Variants in RAP1GAP2 observed in about 807,000 individuals in gnomAD.
RAP1GAP2 encodes rap1 GTPase-activating protein 2.
RAP1GAP2 carries 27 observed loss-of-function variants against 95.0 expected under a neutral mutation model. The observed-to-expected ratio is 0.28, with a 90% CI of 0.21 to 0.39. RAP1GAP2 has a LOEUF of 0.39. RAP1GAP2 is among the 10% of genes least tolerant of loss of function. The probability of loss-of-function intolerance (pLI) is 1.00; values close to 1 mark genes in which losing one functional copy is unlikely to be tolerated. For synonymous variants in RAP1GAP2, 373 were observed against 380.9 expected (o/e 0.98, Z 0.24); for missense variants, 771 against 970.0 (o/e 0.79, Z 2.72).
chr17:2,911,391 T>A (rs181836467), intron 3 of RAP1GAP2, among the ~76,000 whole-genome samples: 1 of 152,006 alleles, frequency 6.6e-6, no homozygotes, highest in African/African-American at 2.4e-5. Context: ...GAGAGGGACT[T>A]GAGGCTGCGT....
At chr17:2,945,996 G>A (rs1357551869) in intron 3 of RAP1GAP2, among the ~76,000 whole-genome samples, 3 of 152,024 alleles carry the variant, frequency 2.0e-5, no homozygotes, top group Non-Finnish European at 2.9e-5. Flanking sequence ...TCACCATGTC[G>A]GCCAGGCTGG....
chr17:2,839,947 CG>C (rs2151567421), intron 2 of RAP1GAP2, among the ~76,000 whole-genome samples: 2 of 151,216 alleles, frequency 1.3e-5, no homozygotes, highest in East Asian at 3.9e-4. Context: ...TACAGGCATG[CG>C]CCACCACGCC....
chr17:3,031,108 G>A (rs1206235406), intron 23 of RAP1GAP2, 110 bp downstream of exon 23: 2 of 1,228,398 alleles, frequency 1.6e-6, no homozygotes, highest in South Asian at 2.6e-5. Context: ...CTCCCCGAAG[G>A]AGGCAGGGGA....
At position 2,919,014 on chromosome 17, in the gene RAP1GAP2, G is replaced by T. The variant is rs1021128194; in HGVS notation, c.165+13646G>T. On this transcript the variant is annotated intron_variant, in intron 3 of 24. Coordinates refer to ENST00000254695, the MANE Select transcript of RAP1GAP2 (RefSeq NM_015085.5). ...GACCATCTAGGGGGAAGTACACCAG[G>T]TTTTCGGTGAATATAGTTTGTCAGG... Among the ~76,000 whole-genome samples the T allele has an allele frequency of 3.9e-5, 6 of 152,150 alleles. No individual in the cohort carries two copies. The South Asian group carries it at 1.2e-3, about 32-fold the overall frequency.
intron 2 of RAP1GAP2, among the ~76,000 whole-genome samples, chr17:2,821,349 T>A (rs1447203153): frequency 6.6e-6 from 1 of 151,032 alleles, no homozygotes. Flanking sequence ...CAAAATGTTA[T>A]CATTCTGATG....
chr17:2,941,728 G>C (rs1219885054), intron 3 of RAP1GAP2, among the ~76,000 whole-genome samples: 1 of 151,656 alleles, frequency 6.6e-6, no homozygotes, highest in South Asian at 2.1e-4. Context: ...GAGTGCAGTG[G>C]TGTGATCTCG....
At chr17:2,818,745 G>A (rs1043257984) in intron 2 of RAP1GAP2, among the ~76,000 whole-genome samples, 15 of 152,196 alleles carry the variant, frequency 9.9e-5, no homozygotes, top group African/African-American at 3.6e-4. Context: ...GTGAGGTGGC[G>A]TTCTGGCGCT....
rs1203777688 is a variant in RAP1GAP2, at chr17:3,002,636, A to G, written c.1201-2733A>G. Among the ~76,000 whole-genome samples the G allele has an allele frequency of 2.0e-5, 3 of 152,208 alleles. No homozygotes were observed. The East Asian group carries it at 5.8e-4, about 29-fold the overall frequency. On this transcript the variant is annotated intron_variant, in intron 14 of 24. Coordinates refer to ENST00000254695, the MANE Select transcript of RAP1GAP2 (RefSeq NM_015085.5). ...CCTCTGGGACTGAGTAAGCCCCAGGAGGCCTCCACTGGGGAGGGTGAGCTG... is the reference window on the plus strand; with the variant it reads ...CCTCTGGGACTGAGTAAGCCCCAGGGGGCCTCCACTGGGGAGGGTGAGCTG...
Position 2,955,146 on chromosome 17 carries a change from G to A in RAP1GAP2, c.166-2613G>A, listed in dbSNP as rs572606507. Among the ~76,000 whole-genome samples the A allele has an allele frequency of 4.6e-5, 7 of 152,238 alleles. No individual in the cohort carries two copies. The South Asian group carries it at 1.5e-3, about 32-fold the overall frequency. On this transcript the variant is annotated intron_variant, in intron 3 of 24. Transcript: ENST00000254695. ...CAATTCTTTTGTGTATATTCCTGGG[G>A]GTCGAATTGCTGAGTTGTGTGGTCA... is the stretch of plus-strand genomic sequence containing the variant.
chr17:2,836,716 G>A lies in RAP1GAP2; in HGVS notation c.80+36166G>A, dbSNP rs1050043000. Among the ~76,000 whole-genome samples, 12 of 152,206 alleles carry A rather than the reference G, an allele frequency of 7.9e-5. 2 individuals are homozygous for A. In the South Asian group the frequency reaches 2.3e-3, roughly 29 times the overall value. ...TCCAGGTGGGTGAGACAGCATCATC[G>A]GACCATCTATTTGTACCTATCTCTT... On this transcript the variant is annotated intron_variant, in intron 2 of 24. Coordinates refer to ENST00000254695, the MANE Select transcript of RAP1GAP2 (RefSeq NM_015085.5).
chr17:2,995,451 C>T lies in RAP1GAP2; in HGVS notation c.1029C>T (p.Asp343=), dbSNP rs189792922. The change falls in exon 13 of 25, where the codon GAC becomes GAT. Residue 343 remains aspartate (D), a synonymous_variant. Transcript: ENST00000254695. ...TTTCCACAAAGCTGCCATTTACCGA[C>T]GGAGACGCCCAGCAGGTAACCTGGT... is the stretch of plus-strand genomic sequence containing the variant. ...FHVSTKLPFT[D]GDAQQLQRKR... The T allele has an allele frequency of 3.0e-4, 478 of 1,613,852 alleles. 7 individuals are homozygous for T. Among genetic ancestry groups the T allele is most frequent in the Middle Eastern group, 1.8e-3 (11 of 6,056 alleles).
At chr17:2,885,369 C>T (rs961717610) in intron 2 of RAP1GAP2, among the ~76,000 whole-genome samples, 1 of 152,214 alleles carries the variant, frequency 6.6e-6, no homozygotes, top group Admixed American at 6.5e-5. Flanking sequence ...CTGGAAGGTT[C>T]TCAGCATGCT....
At chr17:2,981,115 G>T (rs539474699) in intron 9 of RAP1GAP2, 80 bp from the exon 10 acceptor site, 25 of 1,347,800 alleles carry the variant, frequency 1.9e-5, no homozygotes, top group African/African-American at 7.2e-5. Context: ...CTCCCATGCC[G>T]CATTGTCCAG....
intron 19 of RAP1GAP2, among the ~76,000 whole-genome samples, chr17:3,021,795 T>C (rs1330946179): frequency 6.6e-6 from 1 of 152,226 alleles, no homozygotes; most frequent in African/African-American, 2.4e-5. Flanking sequence ...ATTCTACCCA[T>C]GTTGCTGCAA....
At chr17:2,891,503 C>T (rs558729534) in intron 2 of RAP1GAP2, among the ~76,000 whole-genome samples, 2 of 151,370 alleles carry the variant, frequency 1.3e-5, no homozygotes, top group Admixed American at 1.3e-4. Context: ...TCCCTACCCT[C>T]CCCCATCTCC....
At chr17:2,889,878 TATATA>T (rs1421426199) in intron 2 of RAP1GAP2, among the ~76,000 whole-genome samples, 4 of 80,266 alleles carry the variant, frequency 5.0e-5, no homozygotes, top group African/African-American at 2.2e-4. Flanking sequence ...TATATATATA[TATATA>T]TATATATTTT....
rs1229063623 is a variant in RAP1GAP2 at position 2,991,332 on chromosome 17, G to A, written c.849G>A (p.Glu283=). 6.2e-7 allele frequency: 1 copy of A among 1,606,638 alleles called. No homozygotes were observed. Among genetic ancestry groups the A allele is most frequent in the African/African-American group, 1.3e-5 (1 of 74,848 alleles). The change falls in exon 12 of 25, where the codon GAG becomes GAA. Residue 283 remains glutamate (E), a synonymous_variant. Transcript: ENST00000254695. ...AGGAGCTATTTGGGAACAATGAGGAGAGCCCAGCTTTTAAGGAGTTCTTGG... is the reference window on the plus strand; with the variant it reads ...AGGAGCTATTTGGGAACAATGAGGAAAGCCCAGCTTTTAAGGAGTTCTTGG... The part of the protein sequence containing the change: ...LEEELFGNNE[E]SPAFKEFLDL...
At chr17:2,881,462 C>T (rs186680345) in intron 2 of RAP1GAP2, among the ~76,000 whole-genome samples, 57 of 152,138 alleles carry the variant, frequency 3.7e-4, no homozygotes, top group Non-Finnish European at 6.3e-4. Context: ...CATTGTAGCA[C>T]GAATCCGTAA....
chr17:2,996,648 G>T (rs2045969118), intron 13 of RAP1GAP2, among the ~76,000 whole-genome samples: 1 of 152,368 alleles, frequency 6.6e-6, no homozygotes, highest in Non-Finnish European at 1.5e-5. Flanking sequence ...CTCACCTGCT[G>T]CCCCGGCCTG....
Sources: allele counts gnomAD v4.1 joint callset (sites outside exome capture counted in the v4.1 genomes callset), GRCh38; gene constraint gnomAD v4.1.1; transcripts MANE v1.5; gene names NCBI Gene and HGNC (gene_info 2026-07-23, HGNC 2026-07-21).